The following NSMCE2 variants were observed in gnomAD, a reference collection of about 807,000 sequenced individuals.
NSMCE2 encodes NSE2 SUMO ligase component of SMC5/6 complex, also known as E3 SUMO-protein ligase NSE2.
NSMCE2 carries 24 observed loss-of-function variants against 23.8 expected under a neutral mutation model. The ratio of observed to expected loss-of-function variants is 1.01; its 90% CI spans 0.73 to 1.42. NSMCE2 has a LOEUF of 1.42. Ranked by LOEUF, NSMCE2 falls within the 40% of genes most tolerant of loss-of-function variation. The probability of loss-of-function intolerance (pLI) is 0.00; values close to 1 mark genes in which losing one functional copy is unlikely to be tolerated. For synonymous variants in NSMCE2, 92 were observed against 94.1 expected, an observed-to-expected ratio of 0.98 and a Z score of 0.13; for missense variants, 284 against 296.5, an observed-to-expected ratio of 0.96 and a Z score of 0.31.
chr8:125,195,754 A>T (rs1823582970), intron 5 of NSMCE2, among the ~76,000 whole-genome samples: 1 of 152,158 alleles, frequency 6.6e-6, no homozygotes, highest in Non-Finnish European at 1.5e-5. Context: ...TCTAAAACAA[A>T]TATGCCTATT....
At chr8:125,155,615 G>A (rs1409976028) in intron 4 of NSMCE2, among the ~76,000 whole-genome samples, 2 of 152,012 alleles carry the variant, frequency 1.3e-5, no homozygotes, top group African/African-American at 4.8e-5. Flanking sequence ...CTTAAACAGG[G>A]GTTATCTCTC....
chr8:125,275,860 C>T (rs545179063), intron 5 of NSMCE2, among the ~76,000 whole-genome samples: 46 of 152,226 alleles, frequency 3.0e-4, no homozygotes, highest in Non-Finnish European at 5.9e-4. Flanking sequence ...AAACCCAGAA[C>T]GCTCCGCCTG....
intron 3 of NSMCE2, among the ~76,000 whole-genome samples, chr8:125,112,755 G>A (rs181910109): frequency 5.5e-4 from 83 of 152,204 alleles, no homozygotes; most frequent in Non-Finnish European, 9.6e-4. Flanking sequence ...AAGGGTGGGA[G>A]GACTGGGGAA....
chr8:125,141,719 G>A (rs1667238505), intron 3 of NSMCE2, among the ~76,000 whole-genome samples: 1 of 151,922 alleles, frequency 6.6e-6, no homozygotes, highest in African/African-American at 2.4e-5. Flanking sequence ...GAGGAGTGAG[G>A]CATTTGTTTA....
At chr8:125,346,571 C>T (rs1830441901) in intron 5 of NSMCE2, among the ~76,000 whole-genome samples, 1 of 152,106 alleles carries the variant, frequency 6.6e-6, no homozygotes, top group East Asian at 1.9e-4. Flanking sequence ...TTTGGTTTTC[C>T]TAGTTCATTA....
chr8:125,355,082 A>T (rs1033380644), intron 5 of NSMCE2, among the ~76,000 whole-genome samples: 2 of 152,222 alleles, frequency 1.3e-5, no homozygotes, highest in African/African-American at 4.8e-5. Context: ...TGCTTATGCA[A>T]ATATTTCAAA....
intron 5 of NSMCE2, among the ~76,000 whole-genome samples, chr8:125,310,238 T>G (rs1046377680): frequency 2.0e-5 from 3 of 152,158 alleles, no homozygotes; most frequent in African/African-American, 7.2e-5. Context: ...TAACTCAGAC[T>G]AGAGTCAGAC....
At chr8:125,173,572 A>G (rs1374090679) in intron 4 of NSMCE2, among the ~76,000 whole-genome samples, 1 of 152,088 alleles carries the variant, frequency 6.6e-6, no homozygotes, top group Admixed American at 6.6e-5. Context: ...CCATCATTGT[A>G]CTCTTTCACT....
At chr8:125,180,502 T>C (rs1418249932) in intron 4 of NSMCE2, among the ~76,000 whole-genome samples, 7 of 152,228 alleles carry the variant, frequency 4.6e-5, no homozygotes, top group Non-Finnish European at 1.0e-4. Flanking sequence ...GTCTTTTCTC[T>C]GTGACAAAAG....
intron 5 of NSMCE2, among the ~76,000 whole-genome samples, chr8:125,248,053 CATTG>C (rs1459886833): frequency 6.6e-6 from 1 of 152,072 alleles, no homozygotes; most frequent in Non-Finnish European, 1.5e-5. Context: ...ATTTTGAAAC[CATTG>C]ATTAATGTCT....
intron 5 of NSMCE2, among the ~76,000 whole-genome samples, chr8:125,259,396 C>G (rs990078282): frequency 2.0e-4 from 30 of 152,288 alleles, no homozygotes; most frequent in Middle Eastern, 6.8e-3. Flanking sequence ...TCAGCGGTGG[C>G]ATTAGATTCT....
intron 7 of NSMCE2, among the ~76,000 whole-genome samples, chr8:125,366,435 G>A (rs1056867986): frequency 6.6e-5 from 10 of 152,156 alleles, no homozygotes; most frequent in Admixed American, 5.9e-4. Flanking sequence ...AGCTACTCGG[G>A]AGGCTGAGGC....
intron 5 of NSMCE2, among the ~76,000 whole-genome samples, chr8:125,288,909 C>T (rs1828001115): frequency 6.6e-6 from 1 of 152,180 alleles, no homozygotes; most frequent in Admixed American, 6.5e-5. Flanking sequence ...ATCCTCCCAC[C>T]TCAGCTGCCC....
At chr8:125,100,156 T>C (rs1818117372) in intron 1 of NSMCE2, among the ~76,000 whole-genome samples, 1 of 152,126 alleles carries the variant, frequency 6.6e-6, no homozygotes, top group African/African-American at 2.4e-5. Context: ...TGACTGCTTC[T>C]GTTTCCTCAG....
At chr8:125,267,120 T>C (rs985249573) in intron 5 of NSMCE2, among the ~76,000 whole-genome samples, 2 of 147,676 alleles carry the variant, frequency 1.4e-5, no homozygotes, top group Non-Finnish European at 3.0e-5. Flanking sequence ...TTCTCTTGCC[T>C]CAGCCTCCCA....
intron 4 of NSMCE2, among the ~76,000 whole-genome samples, chr8:125,170,979 C>T (rs1822175106): frequency 1.3e-5 from 2 of 152,218 alleles, no homozygotes; most frequent in Admixed American, 1.3e-4. Flanking sequence ...AGCCCTCCGT[C>T]ATCTGTCCCA....
chr8:125,151,615 A>G (rs962896156), intron 4 of NSMCE2, among the ~76,000 whole-genome samples: 6 of 152,232 alleles, frequency 3.9e-5, no homozygotes, highest in Non-Finnish European at 5.9e-5. Context: ...TTGCTTAAAC[A>G]TACAATTGAG....
intron 7 of NSMCE2, among the ~76,000 whole-genome samples, chr8:125,359,473 A>G (rs1813435265): frequency 6.6e-6 from 1 of 150,850 alleles, no homozygotes; most frequent in Admixed American, 6.7e-5. Context: ...AGCTGGTATT[A>G]CAGGCATGCA....
chr8:125,290,133 C>T (rs2131158963), intron 5 of NSMCE2, among the ~76,000 whole-genome samples: 1 of 152,054 alleles, frequency 6.6e-6, no homozygotes, highest in African/African-American at 2.4e-5. Context: ...CATTAAAATC[C>T]AACAGATGCA....
Sources: gnomAD v4.1 joint callset for allele counts (sites outside exome capture counted in the v4.1 genomes callset) on GRCh38, gnomAD v4.1.1 for gene constraint, MANE v1.5 for transcripts, NCBI Gene and HGNC (gene_info 2026-07-23, HGNC 2026-07-21) for gene names.